The following VPS13B variants were observed in gnomAD, a reference collection of about 807,000 sequenced individuals.
The protein encoded by VPS13B is vacuolar protein sorting 13 homolog B, also known as intermembrane lipid transfer protein VPS13B.
Under a neutral mutation model 426.4 loss-of-function variants are expected in VPS13B, and 285 were observed. The ratio of observed to expected loss-of-function variants is 0.67; its 90% CI spans 0.61 to 0.74. The LOEUF is 0.74. Among genes scored for constraint, VPS13B ranks in the 30% least tolerant of loss-of-function variants. VPS13B has a pLI of 0.00. For synonymous variants in VPS13B, 1,676 were observed against 1,676.4 expected (o/e 1.00, Z 0.01); for missense variants, 4,537 against 4,782.6 (o/e 0.95, Z 1.51).
chr8:99,511,154 T>A lies in VPS13B; in HGVS notation c.4275T>A (p.Ser1425=). ...DGTHQQHGFL[S]LTYTKAVTKN... is the part of the protein sequence containing the mutation. Reference sequence around the variant, plus strand: ...CTCATCAGCAGCATGGATTCCTCTCTCTGACATACACAAAAGCTGTAACAA... The same window carrying A: ...CTCATCAGCAGCATGGATTCCTCTCACTGACATACACAAAAGCTGTAACAA... The change falls in exon 29 of 62, where the codon TCT becomes TCA. Residue 1425 remains serine (S), a synonymous_variant. Transcript: ENST00000357162. 1 of 1,613,848 alleles carries A rather than the reference T, an allele frequency of 6.2e-7. No homozygotes were observed. The highest frequency in any genetic ancestry group is 8.5e-7 in the Non-Finnish European group (1 of 1,179,984).
intron 39 of VPS13B, among the ~76,000 whole-genome samples, chr8:99,727,626 A>G (rs1477626226): frequency 6.6e-6 from 1 of 152,224 alleles, no homozygotes; most frequent in Non-Finnish European, 1.5e-5. Flanking sequence ...ATTCACTATC[A>G]CAAGAATAGC....
intron 7 of VPS13B, among the ~76,000 whole-genome samples, chr8:99,118,759 C>T (rs921233408): frequency 6.6e-6 from 1 of 152,074 alleles, no homozygotes; most frequent in Non-Finnish European, 1.5e-5. Flanking sequence ...ATGAATATAC[C>T]ATGTGAATAT....
At chr8:99,103,179 CT>C (rs1846852943) in intron 5 of VPS13B, 59 bp downstream of exon 5, 2 of 1,587,574 alleles carry the variant, frequency 1.3e-6, no homozygotes, top group African/African-American at 2.7e-5. Flanking sequence ...TACCTTAACT[CT>C]TAACCCTTCT....
chr8:99,022,322 TA>T (rs1372122089), intron 2 of VPS13B, among the ~76,000 whole-genome samples: 1 of 152,030 alleles, frequency 6.6e-6, no homozygotes, highest in Non-Finnish European at 1.5e-5. Context: ...GTCTTTTCAT[TA>T]AGTTAAAAAA....
intron 11 of VPS13B, among the ~76,000 whole-genome samples, chr8:99,136,406 G>A (rs562394975): frequency 8.5e-5 from 13 of 152,184 alleles, no homozygotes; most frequent in African/African-American, 2.6e-4. Flanking sequence ...CTCCTCCATT[G>A]TAGGTATTTA....
chr8:99,596,382 T>A (rs536756316), intron 33 of VPS13B, among the ~76,000 whole-genome samples: 2 of 152,068 alleles, frequency 1.3e-5, no homozygotes, highest in African/African-American at 4.8e-5. Flanking sequence ...TTGGAGACTG[T>A]TTTAGCTGCA....
chr8:99,642,556 C>A, intron 34 of VPS13B, 58 bp downstream of exon 34: 1 of 1,436,964 alleles, frequency 7.0e-7, no homozygotes, highest in Non-Finnish European at 9.5e-7. Flanking sequence ...AGTTGTATTC[C>A]CATAGTTTCC....
chr8:99,484,849 CAA>C (rs34547055), intron 25 of VPS13B, among the ~76,000 whole-genome samples: 30 of 113,704 alleles, frequency 2.6e-4, no homozygotes, highest in Non-Finnish European at 3.3e-4. Context: ...TGTCCTGTCT[CAA>C]AAAAAAAAAA....
intron 39 of VPS13B, among the ~76,000 whole-genome samples, chr8:99,756,363 G>A (rs1166270817): frequency 6.6e-6 from 1 of 152,100 alleles, no homozygotes; most frequent in African/African-American, 2.4e-5. Context: ...AGAGATCTGT[G>A]ACACACCATC....
At chr8:99,110,901 C>T (rs1357964572) in intron 5 of VPS13B, among the ~76,000 whole-genome samples, 197 bp from the exon 6 acceptor site, 6 of 151,888 alleles carry the variant, frequency 4.0e-5, no homozygotes, top group Middle Eastern at 3.4e-3. Context: ...GTGCCTATTT[C>T]ATAAAGTTGT....
At chr8:99,106,827 TG>T (rs1219700901) in intron 5 of VPS13B, among the ~76,000 whole-genome samples, 1 of 152,196 alleles carries the variant, frequency 6.6e-6, no homozygotes, top group African/African-American at 2.4e-5. Context: ...GAGCAAGGGT[TG>T]GGGTTCTGCC....
intron 3 of VPS13B, among the ~76,000 whole-genome samples, chr8:99,091,013 C>CT (rs1171073378): frequency 6.6e-6 from 1 of 152,138 alleles, no homozygotes; most frequent in Non-Finnish European, 1.5e-5. Flanking sequence ...AAAGGAATGT[C>CT]ATAGGTAGCA....
intron 58 of VPS13B, among the ~76,000 whole-genome samples, chr8:99,862,718 T>C (rs1816900084): frequency 6.6e-6 from 1 of 152,010 alleles, no homozygotes; most frequent in South Asian, 2.1e-4. Flanking sequence ...GAGCAAAGGG[T>C]AGAAAAGATG....
Position 99,640,016 on chromosome 8 carries a change from T to TAAGAAG in VPS13B, c.5221-1793_5221-1792insGAAGAA, listed in dbSNP as rs1367039899. Among the ~76,000 whole-genome samples the TAAGAAG allele has an allele frequency of 2.0e-3, 147 of 72,382 alleles. 3 individuals are homozygous for TAAGAAG. Among genetic ancestry groups the TAAGAAG allele is most frequent in the Non-Finnish European group, 2.4e-3 (85 of 34,768 alleles). 47.5% of individuals were successfully genotyped at this position (72,382 alleles called of 152,430 possible). A position where few individuals can be genotyped will look rare whatever the true frequency, so the allele number is the denominator to read the frequency against. ...ATAATAATAATAATAATAATAATAA[T>TAAGAAG]AATAATAATAAGAAGAAGAAGAAGA... On this transcript the variant is annotated intron_variant, in intron 33 of 61. Transcript: ENST00000357162.
At chr8:99,631,922 C>T (rs1828864741) in intron 33 of VPS13B, among the ~76,000 whole-genome samples, 1 of 151,850 alleles carries the variant, frequency 6.6e-6, no homozygotes, top group Non-Finnish European at 1.5e-5. Flanking sequence ...GACATTAGCT[C>T]TATCTTCAAG....
intron 13 of VPS13B, among the ~76,000 whole-genome samples, chr8:99,146,728 A>C (rs1810746652): frequency 6.6e-6 from 1 of 152,104 alleles, no homozygotes; most frequent in Non-Finnish European, 1.5e-5. Context: ...GTGCACCACC[A>C]AGCCCAGCTA....
intron 32 of VPS13B, among the ~76,000 whole-genome samples, chr8:99,576,768 AG>A (rs1255121576): frequency 6.6e-6 from 1 of 152,178 alleles, no homozygotes; most frequent in East Asian, 1.9e-4. Context: ...ACGGTTTTCC[AG>A]TGATAAATGT....
intron 21 of VPS13B, among the ~76,000 whole-genome samples, chr8:99,395,881 T>G (rs1240685163): frequency 6.6e-6 from 1 of 152,002 alleles, no homozygotes; most frequent in African/African-American, 2.4e-5. Context: ...TTGGACACAT[T>G]GAGGAGAGAA....
intron 43 of VPS13B, among the ~76,000 whole-genome samples, chr8:99,802,961 T>C (rs1563923633): frequency 6.6e-6 from 1 of 152,210 alleles, no homozygotes. Flanking sequence ...ATAAGTAATA[T>C]TAAAAATCAC....
Sources: gnomAD v4.1 joint callset for allele counts (sites outside exome capture counted in the v4.1 genomes callset) on GRCh38, gnomAD v4.1.1 for gene constraint, MANE v1.5 for transcripts, NCBI Gene and HGNC (gene_info 2026-07-23, HGNC 2026-07-21) for gene names.